Variants in GPR139 observed in about 807,000 individuals in gnomAD.
GPR139 encodes probable G protein-coupled receptor 139.
GPR139 carries 12 observed loss-of-function variants against 25.8 expected under a neutral mutation model. That is an observed-to-expected ratio of 0.47 (90% CI 0.30 to 0.75). The LOEUF is 0.75. Among genes scored for constraint, GPR139 ranks in the 30% least tolerant of loss-of-function variants. GPR139 has a pLI of 0.07. For synonymous variants in GPR139, 184 were observed against 179.9 expected (o/e 1.02, Z -0.18); for missense variants, 380 against 450.2 (o/e 0.84, Z 1.41).
intron 1 of GPR139, among the ~76,000 whole-genome samples, chr16:20,042,837 T>C (rs1308619246): frequency 1.3e-5 from 2 of 152,198 alleles, no homozygotes; most frequent in African/African-American, 4.8e-5. Flanking sequence ...TAAGGGATCA[T>C]GTTTCATCTT....
chr16:20,031,580 C>T lies in GPR139; in HGVS notation c.*155G>A. 1 of 639,622 alleles carries T rather than the reference C, an allele frequency of 1.6e-6. No homozygotes were observed. The highest frequency in any genetic ancestry group is 2.8e-6 in the Non-Finnish European group (1 of 356,420). The allele number at this position is 639,622 out of a possible 1,614,324, so 39.6% of individuals were successfully genotyped here. Reference sequence around the variant, plus strand: ...CTTCATGCTCTCCTTTCTTCTCTTCCATCTCTTCTCATCTACCAGTCTGAG... The same window carrying T: ...CTTCATGCTCTCCTTTCTTCTCTTCTATCTCTTCTCATCTACCAGTCTGAG... On this transcript the variant is annotated 3_prime_UTR_variant, in exon 2 of 2. Coordinates refer to ENST00000570682, the MANE Select transcript of GPR139 (RefSeq NM_001002911.4).
At chr16:20,069,175 C>T (rs564466734) in intron 1 of GPR139, among the ~76,000 whole-genome samples, 9 of 143,810 alleles carry the variant, frequency 6.3e-5, no homozygotes, top group African/African-American at 2.0e-4. Flanking sequence ...GAAAAAATAA[C>T]GTATAGAGTG....
At chr16:20,056,712 G>A (rs1370597665) in intron 1 of GPR139, among the ~76,000 whole-genome samples, 2 of 152,174 alleles carry the variant, frequency 1.3e-5, no homozygotes, top group Non-Finnish European at 2.9e-5. Context: ...CACATAATAG[G>A]TGGTCAATAA....
chr16:20,059,778 G>A (rs1209699041), intron 1 of GPR139, among the ~76,000 whole-genome samples: 1 of 152,176 alleles, frequency 6.6e-6, no homozygotes. Flanking sequence ...CTCATTCCCA[G>A]ATGAGGAAAC....
intron 1 of GPR139, among the ~76,000 whole-genome samples, chr16:20,069,318 G>T (rs1288850069): frequency 2.5e-5 from 2 of 80,632 alleles, no homozygotes; most frequent in Non-Finnish European, 5.9e-5. Context: ...CTTGTAAGCA[G>T]CACAGCCAGG....
rs938539405 is a variant in GPR139, at chr16:20,031,019, C to A, written c.*716G>T. On this transcript the variant is annotated 3_prime_UTR_variant, in exon 2 of 2. Transcript: ENST00000570682. ...TTTCCCCCTGCGCACCAGGCAGGGT[C>A]TTTGTTTTGGAGGAGATAGAGAAAA... is the stretch of plus-strand genomic sequence containing the variant. 2.6e-5 allele frequency among the ~76,000 whole-genome samples: 4 copies of A among 152,024 alleles called. No homozygotes were observed. The highest frequency in any genetic ancestry group is 5.9e-5 in the Non-Finnish European group (4 of 67,998).
At chr16:20,054,873 G>A (rs1230537310) in intron 1 of GPR139, among the ~76,000 whole-genome samples, 1 of 152,070 alleles carries the variant, frequency 6.6e-6, no homozygotes, top group African/African-American at 2.4e-5. Context: ...GACTACAGGT[G>A]CACACCATCA....
intron 1 of GPR139, among the ~76,000 whole-genome samples, chr16:20,049,726 G>A (rs2057365843): frequency 6.6e-6 from 1 of 152,172 alleles, no homozygotes; most frequent in African/African-American, 2.4e-5. Flanking sequence ...TCCTAGTCTT[G>A]TGACTGTGGC....
chr16:20,047,459 A>T (rs569748153), intron 1 of GPR139, among the ~76,000 whole-genome samples: 1 of 152,336 alleles, frequency 6.6e-6, no homozygotes, highest in African/African-American at 2.4e-5. Context: ...AGCTAAGGCC[A>T]TGTATAAACT....
Position 20,044,818 on chromosome 16 carries a change from A to G in GPR139, c.128-12149T>C, listed in dbSNP as rs145095337. On this transcript the variant is annotated intron_variant, in intron 1 of 1. Transcript: ENST00000570682. ...TTTCATCCCCTTACAGATAAAAAAG[A>G]TTCAGGCTTGAAAGGGTTAGGAAGT... Among the ~76,000 whole-genome samples the G allele has an allele frequency of 8.4e-3, 1,277 of 152,258 alleles. 17 individuals are homozygous for G. Among genetic ancestry groups the G allele is most frequent in the African/African-American group, 0.029 (1,204 of 41,528 alleles).
intron 1 of GPR139, among the ~76,000 whole-genome samples, chr16:20,064,281 C>CT (rs1320420246): frequency 6.6e-6 from 1 of 152,178 alleles, no homozygotes; most frequent in Non-Finnish European, 1.5e-5. Flanking sequence ...CTGCTTATAC[C>CT]TGTAATCCCA....
At chr16:20,038,888 G>A (rs1474761003) in intron 1 of GPR139, among the ~76,000 whole-genome samples, 2 of 152,044 alleles carry the variant, frequency 1.3e-5, no homozygotes, top group Non-Finnish European at 2.9e-5. Flanking sequence ...CAGGGTCTGT[G>A]TGTATTTATA....
At position 20,073,490 on chromosome 16, in the gene GPR139, C is replaced by A. The variant is rs781461709; in HGVS notation, c.127G>T (p.Ala43Ser). ...YSLLLCLGLP[A>S]NILTVIILSQ... The stretch of plus-strand genomic sequence containing the variant: ...CCTCCCTCTCCCCCACGCCCCTCAC[C>A]TGGTAAACCGAGGCACAGCAAGAGG... Residue 43 changes from alanine (A) to serine (S), a missense_variant and splice_region_variant, in exon 1 of 2, where the codon GCA becomes TCA. Physicochemically the swap from Ala to Ser is moderately conservative, Grantham distance 99 (BLOSUM62 1). Transcript: ENST00000570682. The surrounding 1 kb of genome is among the most constrained non-coding windows in gnomAD (Gnocchi z 4.7). 6.2e-7 allele frequency: 1 copy of A among 1,611,892 alleles called. No homozygotes were observed. The highest frequency in any genetic ancestry group is 8.5e-7 in the Non-Finnish European group (1 of 1,179,178).
intron 1 of GPR139, among the ~76,000 whole-genome samples, chr16:20,064,080 T>C (rs1228291552): frequency 6.6e-6 from 1 of 152,122 alleles, no homozygotes; most frequent in East Asian, 1.9e-4. Flanking sequence ...CTTTCTATCA[T>C]GAGAAAAGAT....
intron 1 of GPR139, among the ~76,000 whole-genome samples, chr16:20,034,649 T>C (rs915227088): frequency 2.0e-5 from 3 of 152,226 alleles, no homozygotes; most frequent in African/African-American, 7.2e-5. Flanking sequence ...AAGTGACCCT[T>C]GCACCTTAGC....
At chr16:20,061,718 A>G (rs933344709) in intron 1 of GPR139, among the ~76,000 whole-genome samples, 13 of 152,184 alleles carry the variant, frequency 8.5e-5, no homozygotes, top group Non-Finnish European at 1.9e-4. Flanking sequence ...CTCCCTTTGA[A>G]TTGTACTAGG....
At chr16:20,054,504 G>A (rs2057382593) in intron 1 of GPR139, among the ~76,000 whole-genome samples, 1 of 152,070 alleles carries the variant, frequency 6.6e-6, no homozygotes, top group African/African-American at 2.4e-5. Context: ...GCATCATCAA[G>A]AGGACCAAAG....
chr16:20,072,318 G>A (rs1207967568), intron 1 of GPR139, among the ~76,000 whole-genome samples: 1 of 152,158 alleles, frequency 6.6e-6, no homozygotes, highest in African/African-American at 2.4e-5. Context: ...GGCCCTGACT[G>A]CCAAGTTGAA....
chr16:20,062,943 G>A (rs1596471108), intron 1 of GPR139, among the ~76,000 whole-genome samples: 1 of 152,132 alleles, frequency 6.6e-6, no homozygotes, highest in African/African-American at 2.4e-5. Context: ...ATTTTCATCG[G>A]AAGTCTCTGA....
Sources: gnomAD v4.1 joint callset for allele counts (sites outside exome capture counted in the v4.1 genomes callset) on GRCh38, gnomAD v4.1.1 for gene constraint, Gnocchi (gnomAD v3.1) non-coding constraint, MANE v1.5 for transcripts, NCBI Gene and HGNC (gene_info 2026-07-23, HGNC 2026-07-21) for gene names.